The following HECA variants were observed in gnomAD, a reference collection of about 807,000 sequenced individuals.
HECA encodes headcase protein homolog.
In HECA, 13 loss-of-function variants were observed where a neutral mutation model predicts 37.6. The observed-to-expected ratio is 0.35, with a 90% confidence interval of 0.23 to 0.55. HECA has a LOEUF of 0.55. Ranked by LOEUF, HECA falls within the 20% of genes least tolerant of loss-of-function variation. HECA has a pLI of 0.90. For synonymous variants in HECA, 307 were observed against 291.5 expected (o/e 1.05, Z -0.54); for missense variants, 527 against 701.9 (o/e 0.75, Z 2.82).
intron 1 of HECA, among the ~76,000 whole-genome samples, chr6:139,146,539 A>G (rs1024928692): frequency 2.6e-5 from 4 of 152,240 alleles, no homozygotes; most frequent in Non-Finnish European, 5.9e-5. Flanking sequence ...AAGTCGAAAC[A>G]GAAATGTACA....
At chr6:139,167,526 T>A (rs528267421) in intron 2 of HECA, among the ~76,000 whole-genome samples, 1 of 152,312 alleles carries the variant, frequency 6.6e-6, no homozygotes, top group South Asian at 2.1e-4. Context: ...AGTACAGTTG[T>A]CCTAGCGGAT....
In HECA at chr6:139,180,305, A is replaced by G. The variant is rs977591081; in HGVS notation, c.*3200A>G. 18 of 152,744 alleles carry G rather than the reference A, an allele frequency of 1.2e-4. No individual in the cohort carries two copies. Among genetic ancestry groups the G allele is most frequent in the African/African-American group, 4.1e-4 (17 of 41,580 alleles). 9.5% of individuals were successfully genotyped at this position (152,744 alleles called of 1,614,324 possible). On this transcript the variant is annotated 3_prime_UTR_variant, in exon 4 of 4. Coordinates refer to ENST00000367658, the MANE Select transcript of HECA (RefSeq NM_016217.3). Reference sequence around the variant, plus strand: ...AGATAAGACAGATATGTACCTTATTAGAGCACCAGAACTAATTTGCTAAGT... The same window carrying G: ...AGATAAGACAGATATGTACCTTATTGGAGCACCAGAACTAATTTGCTAAGT...
At chr6:139,146,647 A>G (rs1223829557) in intron 1 of HECA, among the ~76,000 whole-genome samples, 1 of 152,182 alleles carries the variant, frequency 6.6e-6, no homozygotes, top group African/African-American at 2.4e-5. Flanking sequence ...GTGAACAGAC[A>G]CGGAGAGCCC....
At chr6:139,142,470 C>T (rs1774527163) in intron 1 of HECA, among the ~76,000 whole-genome samples, 2 of 152,094 alleles carry the variant, frequency 1.3e-5, no homozygotes, top group African/African-American at 4.8e-5. Context: ...TGCTTTTCCC[C>T]ATGGTCTCAT....
At chr6:139,164,034 G>A (rs550236337) in intron 1 of HECA, among the ~76,000 whole-genome samples, 4 of 150,768 alleles carry the variant, frequency 2.7e-5, no homozygotes, top group African/African-American at 7.4e-5. Flanking sequence ...ATTGCTGTCC[G>A]TCAGCATGGA....
Position 139,135,681 on chromosome 6 carries a change from G to C in HECA, c.271+14G>C, listed in dbSNP as rs1360337479. On this transcript the variant is annotated intron_variant, in intron 1 of 3. Coordinates refer to ENST00000367658, the MANE Select transcript of HECA (RefSeq NM_016217.3). ...ATGCCAAAAACGGTAAGACGGGGCT[G>C]GCGGGGCGAGCGCCAACTTCCTCCC... The C allele has an allele frequency of 6.1e-6, 6 of 979,628 alleles. No homozygotes were observed. In the East Asian group the frequency reaches 5.0e-4, roughly 82 times the overall value. The allele number at this position is 979,628 out of a possible 1,614,324, so 60.7% of individuals were successfully genotyped here.
chr6:139,135,479 G>A lies in HECA; in HGVS notation c.83G>A (p.Gly28Glu), dbSNP rs1168528305. 1.6e-6 allele frequency: 2 copies of A among 1,240,882 alleles called. No homozygotes were observed. Among genetic ancestry groups the A allele is most frequent in the Non-Finnish European group, 2.1e-6 (2 of 967,364 alleles). 76.9% of individuals were successfully genotyped at this position (1,240,882 alleles called of 1,614,324 possible). The change falls in exon 1 of 4, where the codon GGG becomes GAG. Residue 28 changes from glycine (G) to glutamate (E), a missense_variant. Transcript: ENST00000367658. ...GGCGACGAGCAGGAAAATGGAGCCG[G>A]GGCCCTGGCAGCGGCGGGCGCGGCG... ...SSGDEQENGA[G>E]ALAAAGAAGA...
intron 1 of HECA, among the ~76,000 whole-genome samples, chr6:139,149,260 C>G (rs1774623425): frequency 6.6e-6 from 1 of 152,174 alleles, no homozygotes; most frequent in Admixed American, 6.5e-5. Context: ...CTGTTCTAAA[C>G]AGTGTGAGAT....
rs1024032068 is a variant in HECA, at chr6:139,176,012, C to T, written c.1468-929C>T. Reference sequence around the variant, plus strand: ...AGGGAAGTCTTCAATAAGATGTAGCCAAAAATAAGCAATAATTGATTCTTA... The same window carrying T: ...AGGGAAGTCTTCAATAAGATGTAGCTAAAAATAAGCAATAATTGATTCTTA... On this transcript the variant is annotated intron_variant, in intron 3 of 3. Coordinates refer to ENST00000367658, the MANE Select transcript of HECA (RefSeq NM_016217.3). The surrounding 1 kb of genome is among the most constrained non-coding windows in gnomAD (Gnocchi z 4.5). 1.3e-5 allele frequency among the ~76,000 whole-genome samples: 2 copies of T among 152,076 alleles called. No individual in the cohort carries two copies. Among genetic ancestry groups the T allele is most frequent in the Non-Finnish European group, 2.9e-5 (2 of 68,010 alleles).
intron 1 of HECA, among the ~76,000 whole-genome samples, chr6:139,158,942 G>A (rs150798269): frequency 0.04 from 6,087 of 151,986 alleles, 133 homozygotes; most frequent in African/African-American, 0.059. Context: ...GCATGGTGGC[G>A]CATGCCTGTA....
chr6:139,139,174 GT>G (rs1252226792), intron 1 of HECA, among the ~76,000 whole-genome samples: 1 of 152,214 alleles, frequency 6.6e-6, no homozygotes, highest in Non-Finnish European at 1.5e-5. Flanking sequence ...TCATGGAACT[GT>G]TTCTAGCAGA....
intron 1 of HECA, among the ~76,000 whole-genome samples, chr6:139,143,016 A>C (rs1774534839): frequency 6.6e-6 from 1 of 152,234 alleles, no homozygotes; most frequent in South Asian, 2.1e-4. Context: ...ATGAAAGCAT[A>C]GACCTTTGAA....
At position 139,167,194 on chromosome 6, in the gene HECA, C is replaced by T. The variant is rs950626351; in HGVS notation, c.1182C>T (p.Asn394=). Residue 394 remains asparagine, a synonymous_variant, in exon 2 of 4, where the codon AAC becomes AAT. Coordinates refer to ENST00000367658, the MANE Select transcript of HECA (RefSeq NM_016217.3). ...CCGCGCTCAGTGCCAGCCACAGAAA[C>T]GTGGTAAACTGTGCCCTGTGCCACC... is the stretch of plus-strand genomic sequence containing the variant. ...ILAALSASHR[N]VVNCALCHRA... The T allele has an allele frequency of 3.1e-6, 5 of 1,614,086 alleles. No individual in the cohort carries two copies. The highest frequency in any genetic ancestry group is 1.1e-5 in the South Asian group (1 of 91,092).
intron 1 of HECA, chr6:139,159,060 C>T (rs985933507): frequency 1.3e-5 from 2 of 151,564 alleles, no homozygotes; most frequent in East Asian, 1.9e-4. Context: ...GCAACAAGAG[C>T]GAAACTCCCT....
chr6:139,166,812 G>C lies in HECA; in HGVS notation c.800G>C (p.Gly267Ala). Reference protein sequence around the residue: ...AAAYGARSPGGSPGQSPPTGY... With the variant: ...AAAYGARSPGASPGQSPPTGY... ...GCCTACGGTGCCCGTTCCCCCGGTG[G>C]CTCCCCGGGCCAGTCCCCACCCACG... The change falls in exon 2 of 4, where the codon GGC (glycine) becomes GCC (alanine). Residue 267 changes from glycine to alanine, a missense_variant. Physicochemically the swap from Gly to Ala is moderately conservative, Grantham distance 60 (BLOSUM62 0). Coordinates refer to ENST00000367658, the MANE Select transcript of HECA (RefSeq NM_016217.3). 6.2e-7 allele frequency: 1 copy of C among 1,613,590 alleles called. No individual in the cohort carries two copies.
At chr6:139,165,141 A>G (rs2114470372) in intron 1 of HECA, among the ~76,000 whole-genome samples, 1 of 152,316 alleles carries the variant, frequency 6.6e-6, no homozygotes, top group East Asian at 1.9e-4. Flanking sequence ...ATGCCCATTT[A>G]TGGTTGAGGA....
At chr6:139,140,891 C>T (rs560352483) in intron 1 of HECA, among the ~76,000 whole-genome samples, 23 of 152,180 alleles carry the variant, frequency 1.5e-4, no homozygotes. Flanking sequence ...CCCAGGTTCA[C>T]ACTATTCTCC....
intron 1 of HECA, among the ~76,000 whole-genome samples, chr6:139,149,077 C>G (rs1774618022): frequency 6.6e-6 from 1 of 152,134 alleles, no homozygotes; most frequent in African/African-American, 2.4e-5. Flanking sequence ...AGAAAGTTCT[C>G]ATTTTTCTCC....
intron 1 of HECA, chr6:139,166,048 C>G (rs980567684): frequency 2.3e-6 from 1 of 443,860 alleles, no homozygotes; most frequent in African/African-American, 2.0e-5. Context: ...CAACCTAAAG[C>G]TCAGGATGAA....
Sources: allele counts gnomAD v4.1 joint callset (sites outside exome capture counted in the v4.1 genomes callset), GRCh38; gene constraint gnomAD v4.1.1; non-coding constraint Gnocchi (gnomAD v3.1); transcripts MANE v1.5; gene names NCBI Gene and HGNC (gene_info 2026-07-23, HGNC 2026-07-21).